UGT1A3: variants seen among roughly 807,000 people sequenced by gnomAD.
UGT1A3 encodes UDP-glucuronosyltransferase 1A3.
In UGT1A3, 31 loss-of-function variants were observed where a neutral mutation model predicts 41.0. The ratio of observed to expected loss-of-function variants is 0.76; its 90% CI spans 0.57 to 1.02. The LOEUF (loss-of-function observed/expected upper bound fraction) is 1.02, where lower values mean the gene tolerates loss of function less well. Among genes scored for constraint, UGT1A3 ranks in the 50% least tolerant of loss-of-function variants. The pLI, the probability that UGT1A3 is intolerant of heterozygous loss-of-function variation, is 0.00. For missense variants in UGT1A3, 737 were observed against 671.0 expected, an observed-to-expected ratio of 1.10 and a Z score of -1.09; for synonymous variants, 262 against 257.6, an observed-to-expected ratio of 1.02 and a Z score of -0.17.
At chr2:233,735,872 G>A (rs1314533195) in intron 1 of UGT1A3, among the ~76,000 whole-genome samples, 1 of 152,196 alleles carries the variant, frequency 6.6e-6, no homozygotes, top group African/African-American at 2.4e-5. Context: ...TTTCTGCAGA[G>A]AGATCTGCTG....
At chr2:233,747,624 ATC>A in intron 1 of UGT1A3, 1 of 1,577,546 alleles carries the variant, frequency 6.3e-7, no homozygotes, top group South Asian at 1.1e-5. Flanking sequence ...TGAGGCCCTG[ATC>A]AGGCACCTGA....
chr2:233,756,811 T>C (rs1696332579), intron 1 of UGT1A3, among the ~76,000 whole-genome samples: 1 of 152,156 alleles, frequency 6.6e-6, no homozygotes. Context: ...TAAAGGTCAC[T>C]CAATTCCAAG....
intron 4 of UGT1A3, chr2:233,770,944 AC>A: frequency 6.6e-6 from 1 of 152,138 alleles, no homozygotes; most frequent in Non-Finnish European, 1.5e-5. Context: ...TGCCGGGGGA[AC>A]CTCAGGGAGC....
chr2:233,729,254 G>C lies in UGT1A3; in HGVS notation c.128G>C (p.Ser43Thr), dbSNP rs1181621220. The stretch of plus-strand genomic sequence containing the variant: ...CCCATTGATGGCAGCCACTGGCTCA[G>C]CATGCGGGAGGTCTTGCGGGAGCTC... Reference protein sequence around the residue: ...VVPIDGSHWLSMREVLRELHA... With the variant: ...VVPIDGSHWLTMREVLRELHA... Residue 43 changes from serine to threonine, a missense_variant, in exon 1 of 5, where the codon AGC (serine) becomes ACC (threonine). Transcript: ENST00000482026. 2 of 1,614,100 alleles carry C rather than the reference G, an allele frequency of 1.2e-6. No homozygotes were observed. Among genetic ancestry groups the C allele is most frequent in the Admixed American group, 1.7e-5 (1 of 60,014 alleles).
chr2:233,739,889 C>G (rs1358734897), intron 1 of UGT1A3, among the ~76,000 whole-genome samples: 1 of 151,866 alleles, frequency 6.6e-6, no homozygotes, highest in African/African-American at 2.4e-5. Context: ...GTGTTTCCAC[C>G]CAAATCTCAT....
intron 1 of UGT1A3, among the ~76,000 whole-genome samples, chr2:233,756,569 C>G (rs1206188588): frequency 6.6e-6 from 1 of 152,130 alleles, no homozygotes; most frequent in Non-Finnish European, 1.5e-5. Flanking sequence ...TCCTCTCAGA[C>G]AAAAGGAAAT....
chr2:233,733,834 A>G (rs887366512), intron 1 of UGT1A3, among the ~76,000 whole-genome samples: 1 of 152,086 alleles, frequency 6.6e-6, no homozygotes, highest in Admixed American at 6.6e-5. Flanking sequence ...TGAGTTAGGG[A>G]GGATTCCCTC....
chr2:233,742,149 G>A (rs1392863105), intron 1 of UGT1A3, among the ~76,000 whole-genome samples: 1 of 151,848 alleles, frequency 6.6e-6, no homozygotes, highest in Non-Finnish European at 1.5e-5. Context: ...AGCGCTAGAC[G>A]AATTAAAGAC....
chr2:233,729,480 C>G lies in UGT1A3; in HGVS notation c.354C>G (p.Asn118Lys). 1 of 1,614,164 alleles carries G rather than the reference C, an allele frequency of 6.2e-7. No homozygotes were observed. The highest frequency in any genetic ancestry group is 1.1e-5 in the South Asian group (1 of 91,068). ...KKFFRSMAML[N>K]NMSLVYHRSC... ...TTTTCAGAAGTATGGCAATGTTGAA[C>G]AATATGTCTTTGGTCTATCATAGGT... is the stretch of plus-strand genomic sequence containing the variant. Residue 118 changes from asparagine to lysine, a missense_variant, in exon 1 of 5, where the codon AAC becomes AAG. Transcript: ENST00000482026.
At chr2:233,770,116 A>G (rs557135570) in intron 4 of UGT1A3, 1 of 152,452 alleles carries the variant, frequency 6.6e-6, no homozygotes, top group Admixed American at 6.5e-5. Flanking sequence ...CCTAAGAACA[A>G]CTTGGTGAAA....
chr2:233,765,991 C>T (rs939830697), intron 1 of UGT1A3, among the ~76,000 whole-genome samples: 3 of 152,048 alleles, frequency 2.0e-5, no homozygotes, highest in Admixed American at 1.3e-4. Context: ...TCCTGAAGCT[C>T]CAGTGGGCGT....
intron 4 of UGT1A3, among the ~76,000 whole-genome samples, chr2:233,771,783 T>TCTCACTCCCTCCCTCC (rs1700380653): frequency 6.6e-6 from 1 of 151,556 alleles, no homozygotes; most frequent in Non-Finnish European, 1.5e-5. Context: ...TCCTTTCCTC[T>TCTCACTCCCTCCCTCC]CTCCCTCCCT....
intron 1 of UGT1A3, among the ~76,000 whole-genome samples, chr2:233,744,247 T>C (rs1227654990): frequency 1.3e-5 from 2 of 151,818 alleles, no homozygotes; most frequent in Non-Finnish European, 2.9e-5. Flanking sequence ...TTTGGCTGCC[T>C]GAAGAACTGT....
intron 1 of UGT1A3, among the ~76,000 whole-genome samples, chr2:233,756,700 TG>T (rs1321231397): frequency 2.0e-5 from 3 of 152,278 alleles, no homozygotes; most frequent in South Asian, 2.1e-4. Flanking sequence ...CGATGAATTT[TG>T]GGGGGACTTT....
intron 1 of UGT1A3, chr2:233,743,354 T>A: frequency 5.1e-6 from 5 of 972,108 alleles, no homozygotes. Flanking sequence ...GACATGGACT[T>A]GAAGCTGCCT....
intron 1 of UGT1A3, among the ~76,000 whole-genome samples, chr2:233,765,711 T>TTAATAA (rs10664358): frequency 0.086 from 12,799 of 149,198 alleles, 827 homozygotes; most frequent in East Asian, 0.2. Flanking sequence ...ATAATAATAA[T>TTAATAA]TAATAATAAT....
In UGT1A3 at chr2:233,761,665, G is replaced by C. The variant is rs555006913; in HGVS notation, c.868-5369G>C. Among the ~76,000 whole-genome samples, 14 of 152,352 alleles carry C rather than the reference G, an allele frequency of 9.2e-5. No homozygotes were observed. The South Asian group carries it at 2.5e-3, about 27-fold the overall frequency. ...TTCTCTTCTAATGAGTGAATCACCA[G>C]ACAGTCAGGTTCTGACATGATACAG... On this transcript the variant is annotated intron_variant, in intron 1 of 4. Transcript: ENST00000482026.
At chr2:233,743,600 C>A in intron 1 of UGT1A3, 2 of 1,367,332 alleles carry the variant, frequency 1.5e-6, no homozygotes, top group Non-Finnish European at 2.0e-6. Flanking sequence ...TGGGTCCTGG[C>A]CGCCGAAGAA....
At chr2:233,755,133 A>C (rs576279774) in intron 1 of UGT1A3, 1 of 1,319,072 alleles carries the variant, frequency 7.6e-7, no homozygotes, top group Admixed American at 1.9e-5. Flanking sequence ...CACCTGCTTG[A>C]ATCTTCTCAC....
Sources: allele counts gnomAD v4.1 joint callset (sites outside exome capture counted in the v4.1 genomes callset), GRCh38; gene constraint gnomAD v4.1.1; transcripts MANE v1.5; gene names NCBI Gene and HGNC (gene_info 2026-07-23, HGNC 2026-07-21).